Variants in FGGY observed in about 807,000 individuals in gnomAD.
FGGY encodes the protein FGGY carbohydrate kinase domain-containing protein.
Under a neutral mutation model 71.3 loss-of-function variants are expected in FGGY, and 72 were observed. The ratio of observed to expected loss-of-function variants is 1.01; its 90% CI spans 0.84 to 1.23. The LOEUF is 1.23. Among genes scored for constraint, FGGY ranks in the 50% most tolerant of loss-of-function variants. The probability of loss-of-function intolerance (pLI) is 0.00; values close to 1 mark genes in which losing one functional copy is unlikely to be tolerated. For missense variants in FGGY, 668 were observed against 682.3 expected (o/e 0.98, Z 0.23); for synonymous variants, 251 against 250.3 (o/e 1.00, Z -0.02).
intron 10 of FGGY, among the ~76,000 whole-genome samples, chr1:59,629,764 C>T (rs577189556): frequency 6.6e-6 from 1 of 152,294 alleles, no homozygotes; most frequent in Non-Finnish European, 1.5e-5. Flanking sequence ...TCAGCTCCAA[C>T]ATGTATCATT....
intron 10 of FGGY, among the ~76,000 whole-genome samples, chr1:59,635,003 G>C (rs888969983): frequency 1.3e-5 from 2 of 152,326 alleles, no homozygotes; most frequent in Admixed American, 6.5e-5. Flanking sequence ...TGGGGTTCAT[G>C]AGAGAGAGGG....
intron 8 of FGGY, among the ~76,000 whole-genome samples, chr1:59,564,625 A>G (rs1176228993): frequency 1.3e-5 from 2 of 152,248 alleles, no homozygotes; most frequent in African/African-American, 4.8e-5. Context: ...CACACTTACT[A>G]GAATGGCTGA....
chr1:59,468,145 C>T (rs946219398), intron 6 of FGGY, among the ~76,000 whole-genome samples: 11 of 152,092 alleles, frequency 7.2e-5, no homozygotes, highest in Non-Finnish European at 1.0e-4. Context: ...TCAAGTGATC[C>T]GCCCCCCTCA....
chr1:59,361,281 A>G (rs1327911370), intron 4 of FGGY, among the ~76,000 whole-genome samples: 1 of 152,238 alleles, frequency 6.6e-6, no homozygotes, highest in Admixed American at 6.5e-5. Flanking sequence ...AAACAGAGTC[A>G]CTATTCCCAG....
At chr1:59,611,556 G>C (rs1032186900) in intron 9 of FGGY, among the ~76,000 whole-genome samples, 1 of 152,128 alleles carries the variant, frequency 6.6e-6, no homozygotes, top group Non-Finnish European at 1.5e-5. Context: ...GGAAAAAACA[G>C]AGCAGAAAAA....
chr1:59,528,062 A>G (rs2095041517), intron 7 of FGGY, among the ~76,000 whole-genome samples: 1 of 152,218 alleles, frequency 6.6e-6, no homozygotes, highest in Admixed American at 6.5e-5. Context: ...TCCAGCCCAC[A>G]CATGAGCCTG....
At chr1:59,326,529 G>T (rs1337790482) in intron 2 of FGGY, among the ~76,000 whole-genome samples, 1 of 152,122 alleles carries the variant, frequency 6.6e-6, no homozygotes, top group Non-Finnish European at 1.5e-5. Context: ...AAAACTGAGG[G>T]CCAGAGAGTT....
chr1:59,444,704 A>G (rs2070805302), intron 5 of FGGY, among the ~76,000 whole-genome samples: 1 of 152,118 alleles, frequency 6.6e-6, no homozygotes, highest in Admixed American at 6.5e-5. Flanking sequence ...CCTATTGTGA[A>G]CTGCGCATGC....
At chr1:59,472,413 C>T (rs1315160050) in intron 6 of FGGY, among the ~76,000 whole-genome samples, 3 of 152,202 alleles carry the variant, frequency 2.0e-5, no homozygotes, top group Admixed American at 6.5e-5. Context: ...TGACGAGCGC[C>T]GCCCCCTGCT....
At chr1:59,509,115 C>T (rs1485158935) in intron 6 of FGGY, among the ~76,000 whole-genome samples, 1 of 152,218 alleles carries the variant, frequency 6.6e-6, no homozygotes, top group Non-Finnish European at 1.5e-5. Context: ...GGCCCTGGAA[C>T]ATCTGGCAGC....
chr1:59,298,779 G>A (rs775983863), intron 1 of FGGY, among the ~76,000 whole-genome samples: 3 of 152,142 alleles, frequency 2.0e-5, no homozygotes, highest in Non-Finnish European at 2.9e-5. Context: ...TTACCAGAAC[G>A]TGCTACAGAG....
chr1:59,590,219 C>T (rs567366234), intron 8 of FGGY, among the ~76,000 whole-genome samples: 1,617 of 152,086 alleles, frequency 0.011, 26 homozygotes, highest in African/African-American at 0.03. Flanking sequence ...ACACATACAC[C>T]CTCCCAAGCC....
rs940198583 is a variant in FGGY, at chr1:59,736,762, A to C, written c.1513-21169A>C. ...GCAAAATTTGCAGCCTGACAATGCA[A>C]TAGAAAAGAAAACCTCGTTTTCTGA... On this transcript the variant is annotated intron_variant, in intron 14 of 15. Transcript: ENST00000303721. Among the ~76,000 whole-genome samples, 60 of 152,232 alleles carry C rather than the reference A, an allele frequency of 3.9e-4. 1 individual carries two copies. Among genetic ancestry groups the C allele is most frequent in the Non-Finnish European group, 2.1e-4 (14 of 68,042 alleles).
intron 14 of FGGY, among the ~76,000 whole-genome samples, chr1:59,705,890 C>T (rs2097754527): frequency 6.6e-6 from 1 of 152,194 alleles, no homozygotes; most frequent in African/African-American, 2.4e-5. Context: ...TGACTTCCAT[C>T]TCTTCTGAGG....
intron 5 of FGGY, among the ~76,000 whole-genome samples, chr1:59,444,314 A>G (rs904886818): frequency 1.3e-5 from 2 of 152,178 alleles, no homozygotes; most frequent in African/African-American, 4.8e-5. Context: ...GTACATATTC[A>G]TGGGGTACAT....
chr1:59,342,329 A>G (rs2050880969), intron 3 of FGGY, among the ~76,000 whole-genome samples: 1 of 152,154 alleles, frequency 6.6e-6, no homozygotes, highest in South Asian at 2.1e-4. Flanking sequence ...GGAACAGAAC[A>G]CTTGAAGTGG....
chr1:59,512,455 T>C lies in FGGY; in HGVS notation c.799+16T>C. On this transcript the variant is annotated intron_variant, in intron 7 of 15. Transcript: ENST00000303721. ...GGAGGACTAGGTAATCTCTTATTTG[T>C]TGCCTACAGCCAAAACCGTATTCAA... 6.2e-7 allele frequency: 1 copy of C among 1,611,216 alleles called. No homozygotes were observed. The highest frequency in any genetic ancestry group is 8.5e-7 in the Non-Finnish European group (1 of 1,178,452).
chr1:59,513,002 A>G (rs940415074), intron 7 of FGGY, among the ~76,000 whole-genome samples: 1 of 152,206 alleles, frequency 6.6e-6, no homozygotes, highest in Non-Finnish European at 1.5e-5. Flanking sequence ...AATAAAACCA[A>G]AGTCTCTTCC....
intron 14 of FGGY, among the ~76,000 whole-genome samples, chr1:59,707,933 T>C (rs1003262244): frequency 6.6e-5 from 10 of 152,222 alleles, no homozygotes; most frequent in African/African-American, 2.2e-4. Context: ...GTATACCTGT[T>C]CTTTAATTTA....
Sources: allele counts gnomAD v4.1 joint callset (sites outside exome capture counted in the v4.1 genomes callset), GRCh38; gene constraint gnomAD v4.1.1; transcripts MANE v1.5; gene names NCBI Gene and HGNC (gene_info 2026-07-23, HGNC 2026-07-21).